Variants in AAGAB observed in about 807,000 individuals in gnomAD.
AAGAB encodes the protein alpha- and gamma-adaptin-binding protein p34.
In AAGAB, 38 loss-of-function variants were observed where a neutral mutation model predicts 44.1. The ratio of observed to expected loss-of-function variants is 0.86; its 90% CI spans 0.67 to 1.13. The LOEUF (loss-of-function observed/expected upper bound fraction) is 1.13, where lower values mean the gene tolerates loss of function less well. Ranked by LOEUF, AAGAB falls within the 50% of genes most tolerant of loss-of-function variation. The pLI is 0.00. For missense variants in AAGAB, 450 were observed against 373.8 expected (o/e 1.20, Z -1.68); for synonymous variants, 131 against 131.8 (o/e 0.99, Z 0.04).
chr15:67,240,084 C>A (rs1964560214), intron 1 of AAGAB, among the ~76,000 whole-genome samples: 2 of 152,178 alleles, frequency 1.3e-5, no homozygotes, highest in Admixed American at 1.3e-4. Context: ...TAATCACAAG[C>A]CAAAACTAGT....
intron 5 of AAGAB, among the ~76,000 whole-genome samples, chr15:67,227,793 C>T (rs2140368064): frequency 6.6e-6 from 1 of 152,292 alleles, no homozygotes; most frequent in East Asian, 1.9e-4. Context: ...AAAAGGATAT[C>T]CTTCACACTT....
chr15:67,243,521 C>T (rs1964652956), intron 1 of AAGAB, among the ~76,000 whole-genome samples: 1 of 152,090 alleles, frequency 6.6e-6, no homozygotes, highest in African/African-American at 2.4e-5. Context: ...TTGGTCATCA[C>T]AATAGGGGGA....
At chr15:67,203,712 AT>A in intron 8 of AAGAB, 115 bp from the exon 9 acceptor site, 1 of 886,740 alleles carries the variant, frequency 1.1e-6, no homozygotes, top group Non-Finnish European at 1.8e-6. Context: ...TGATGTAGTC[AT>A]TACATGTATT....
chr15:67,203,944 A>T (rs912549905), intron 8 of AAGAB, 100 bp downstream of exon 8: 1 of 763,498 alleles, frequency 1.3e-6, no homozygotes, highest in Non-Finnish European at 2.1e-6. Flanking sequence ...CTGAGACCAG[A>T]ACAAGGAATC....
At position 67,202,509 on chromosome 15, in the gene AAGAB, T is replaced by A; in HGVS notation, c.*312A>T. The A allele has an allele frequency of 6.8e-6, 2 of 293,758 alleles. No individual in the cohort carries two copies. The highest frequency in any genetic ancestry group is 1.3e-5 in the Non-Finnish European group (2 of 156,624). The allele number at this position is 293,758 out of a possible 1,614,324, so 18.2% of individuals were successfully genotyped here. A position where few individuals can be genotyped will look rare whatever the true frequency, so the allele number is the denominator to read the frequency against. On this transcript the variant is annotated 3_prime_UTR_variant, in exon 10 of 10. Coordinates refer to ENST00000261880, the MANE Select transcript of AAGAB (RefSeq NM_024666.5). Reference sequence around the variant, plus strand: ...AGGTTGACCAGGAATGGCCTGGAGGTTGTCTTCAACTTGAGTAAATCACAC... The same window carrying A: ...AGGTTGACCAGGAATGGCCTGGAGGATGTCTTCAACTTGAGTAAATCACAC...
At chr15:67,203,681 C>A in intron 8 of AAGAB, 84 bp from the exon 9 acceptor site, 1 of 1,233,106 alleles carries the variant, frequency 8.1e-7, no homozygotes, top group Non-Finnish European at 1.2e-6. Flanking sequence ...AGATGGGAGA[C>A]GGGTTTCAAA....
chr15:67,223,407 C>T (rs1964127305), intron 5 of AAGAB, among the ~76,000 whole-genome samples: 1 of 152,228 alleles, frequency 6.6e-6, no homozygotes, highest in Non-Finnish European at 1.5e-5. Context: ...CAGTTGATGG[C>T]AACTAATCTT....
intron 1 of AAGAB, among the ~76,000 whole-genome samples, chr15:67,251,282 C>G (rs1478843659): frequency 6.6e-6 from 1 of 151,958 alleles, no homozygotes; most frequent in Non-Finnish European, 1.5e-5. Flanking sequence ...CTCACTCTGT[C>G]ACCTAGGCTG....
At chr15:67,209,602 T>G (rs1398821232) in intron 5 of AAGAB, 58 bp from the exon 6 acceptor site, 2 of 1,324,694 alleles carry the variant, frequency 1.5e-6, no homozygotes, top group African/African-American at 2.9e-5. Flanking sequence ...ACTGTTCAAA[T>G]GGCTATGATG....
chr15:67,239,370 G>T (rs1446797252), intron 1 of AAGAB, among the ~76,000 whole-genome samples: 3 of 152,198 alleles, frequency 2.0e-5, no homozygotes, highest in Admixed American at 6.5e-5. Context: ...GTTACTCAGA[G>T]TGCTTACAAT....
chr15:67,203,648 T>C (rs763705280), intron 8 of AAGAB, 51 bp from the exon 9 acceptor site: 1 of 1,479,802 alleles, frequency 6.8e-7, no homozygotes, highest in South Asian at 1.1e-5. Context: ...CAGGATAACC[T>C]GGAGTATATG....
intron 1 of AAGAB, among the ~76,000 whole-genome samples, chr15:67,237,445 A>T (rs1342150898): frequency 6.6e-6 from 1 of 152,226 alleles, no homozygotes; most frequent in Non-Finnish European, 1.5e-5. Context: ...ATAAATTTTA[A>T]ATGTGTAATA....
intron 5 of AAGAB, among the ~76,000 whole-genome samples, chr15:67,227,697 A>AT (rs1201126222): frequency 1.3e-5 from 2 of 152,172 alleles, no homozygotes; most frequent in Non-Finnish European, 2.9e-5. Context: ...TAAAAACAGC[A>AT]TAGGAGGTAG....
chr15:67,201,900 C>A lies in AAGAB; in HGVS notation c.*921G>T, dbSNP rs1963577754. 6.6e-6 allele frequency: 1 copy of A among 152,288 alleles called. No homozygotes were observed. Among genetic ancestry groups the A allele is most frequent in the South Asian group, 2.1e-4 (1 of 4,822 alleles). The allele number at this position is 152,288 out of a possible 1,614,324, so 9.4% of individuals were successfully genotyped here. On this transcript the variant is annotated 3_prime_UTR_variant, in exon 10 of 10. Transcript: ENST00000261880. Reference sequence around the variant, plus strand: ...CATCGCCTAACATTTCACTTCCCCACCCACCCCTTAGTGCTCCCACTTTGG... The same window carrying A: ...CATCGCCTAACATTTCACTTCCCCAACCACCCCTTAGTGCTCCCACTTTGG...
At chr15:67,223,936 ATGGTGAAACACCTCATCTCC>A (rs1964141626) in intron 5 of AAGAB, among the ~76,000 whole-genome samples, 1 of 152,066 alleles carries the variant, frequency 6.6e-6, no homozygotes, top group Admixed American at 6.6e-5. Flanking sequence ...AGATATCCAC[ATGGTGAAACACCTCATCTCC>A]TTGCTCAAAT....
intron 5 of AAGAB, among the ~76,000 whole-genome samples, chr15:67,224,634 G>A (rs904876799): frequency 8.2e-5 from 12 of 145,886 alleles, no homozygotes; most frequent in Non-Finnish European, 1.6e-4. Flanking sequence ...AGGCTGGAGT[G>A]CAGTGGCGCG....
upstream of AAGAB, chr15:67,254,884 C>T (rs773018358): frequency 1.2e-5 from 19 of 1,613,142 alleles, no homozygotes; most frequent in Admixed American, 1.8e-4. Flanking sequence ...GGTAGCCGTT[C>T]CCTGACCTAG....
At chr15:67,238,113 A>C (rs1048405919) in intron 1 of AAGAB, among the ~76,000 whole-genome samples, 1 of 150,672 alleles carries the variant, frequency 6.6e-6, no homozygotes, top group African/African-American at 2.5e-5. Context: ...TTTTTTTAGC[A>C]AAAAAATTAA....
At position 67,254,655 on chromosome 15, in the gene AAGAB, G is replaced by T. The variant is rs779000422; in HGVS notation, c.-24C>A. On this transcript the variant is annotated 5_prime_UTR_variant, in exon 1 of 10. Coordinates refer to ENST00000261880, the MANE Select transcript of AAGAB (RefSeq NM_024666.5). Reference sequence around the variant, plus strand: ...ATAGCTGCGCTCGCGAGCCGGTTCCGTCAGGCAGCCGCTTCCGCCTTGGGC... The same window carrying T: ...ATAGCTGCGCTCGCGAGCCGGTTCCTTCAGGCAGCCGCTTCCGCCTTGGGC... 6.9e-6 allele frequency: 11 copies of T among 1,597,048 alleles called. No individual in the cohort carries two copies. The highest frequency in any genetic ancestry group is 2.3e-5 in the East Asian group (1 of 44,310).
Sources: allele counts gnomAD v4.1 joint callset (sites outside exome capture counted in the v4.1 genomes callset), GRCh38; gene constraint gnomAD v4.1.1; transcripts MANE v1.5; gene names NCBI Gene and HGNC (gene_info 2026-07-23, HGNC 2026-07-21).